IPO5: variants seen among roughly 807,000 people sequenced by gnomAD.
IPO5 encodes the protein importin 5.
In IPO5, 18 loss-of-function variants were observed where a neutral mutation model predicts 143.3. The observed-to-expected ratio is 0.13, with a 90% confidence interval of 0.09 to 0.19. The LOEUF (loss-of-function observed/expected upper bound fraction) is 0.19, where lower values mean the gene tolerates loss of function less well. Ranked by LOEUF, IPO5 falls within the 10% of genes least tolerant of loss-of-function variation. IPO5 has a pLI of 1.00. For synonymous variants in IPO5, 477 were observed against 465.7 expected (o/e 1.02, Z -0.31); for missense variants, 1,013 against 1,336.9 (o/e 0.76, Z 3.78).
chr13:98,019,589 C>T lies in IPO5; in HGVS notation c.2845C>T (p.Pro949Ser). The change falls in exon 27 of 29, where the codon CCC becomes TCC. Residue 949 changes from proline to serine, a missense_variant. Transcript: ENST00000651721. ...NYRPFCTEAL[P>S]LLVRVIQSAD... ...TCAAATGCTTATTTTAGAAGCACTT[C>T]CCCTGCTGGTAAGAGTTATTCAGTC... 1 of 1,611,412 alleles carries T rather than the reference C, an allele frequency of 6.2e-7. No individual in the cohort carries two copies. Among genetic ancestry groups the T allele is most frequent in the Non-Finnish European group, 8.5e-7 (1 of 1,177,826 alleles).
chr13:97,964,534 G>A (rs1232654840), intron 2 of IPO5, among the ~76,000 whole-genome samples: 1 of 142,772 alleles, frequency 7.0e-6, no homozygotes, highest in African/African-American at 2.6e-5. Context: ...TGCAAGCTCC[G>A]CCTCCCGGGT....
chr13:98,000,736 T>C (rs2139760265), intron 13 of IPO5, 91 bp downstream of exon 13: 2 of 821,286 alleles, frequency 2.4e-6, no homozygotes, highest in East Asian at 2.5e-5. Context: ...TAAAAATTAA[T>C]CTTTGTCTTT....
intron 24 of IPO5, among the ~76,000 whole-genome samples, chr13:98,016,334 C>T (rs1055388973): frequency 1.4e-4 from 22 of 152,232 alleles, no homozygotes; most frequent in African/African-American, 5.3e-4. Flanking sequence ...CCACTAACAG[C>T]GAGACCCCAT....
intron 7 of IPO5, among the ~76,000 whole-genome samples, chr13:97,989,497 G>A (rs1394103922): frequency 6.1e-4 from 93 of 152,046 alleles, no homozygotes; most frequent in Non-Finnish European, 5.9e-5. Flanking sequence ...CATTAATAAT[G>A]GTGTCTTGAA....
chr13:97,996,915 A>G (rs1179615016), intron 11 of IPO5, among the ~76,000 whole-genome samples: 1 of 152,118 alleles, frequency 6.6e-6, no homozygotes, highest in Admixed American at 6.6e-5. Flanking sequence ...TTTTAGTACT[A>G]TTTGAAGATA....
Position 98,021,837 on chromosome 13 carries a change from AC to A in IPO5, c.*18del. ...ACTCTGCGTGAAGGGCCTTAATGTC[AC>A]CCACCAGAAAACTAACTCCAAATAA... On this transcript the variant is annotated 3_prime_UTR_variant, in exon 29 of 29. Coordinates refer to ENST00000651721, the MANE Select transcript of IPO5 (RefSeq NM_002271.6). 1.9e-6 allele frequency: 3 copies of A among 1,572,044 alleles called. No individual in the cohort carries two copies. Among genetic ancestry groups the A allele is most frequent in the Non-Finnish European group, 2.6e-6 (3 of 1,148,016 alleles).
chr13:98,020,944 T>C (rs749547895), intron 27 of IPO5, 48 bp from the exon 28 acceptor site: 2 of 1,489,660 alleles, frequency 1.3e-6, no homozygotes, highest in Admixed American at 1.8e-5. Context: ...CATAATCATA[T>C]TTCTCCTTAT....
At chr13:97,966,195 T>C (rs562760501) in intron 2 of IPO5, among the ~76,000 whole-genome samples, 2 of 146,650 alleles carry the variant, frequency 1.4e-5, no homozygotes, top group East Asian at 2.0e-4. Flanking sequence ...ATGGTGACAA[T>C]AGACATTCTT....
At chr13:97,993,557 G>A (rs1887974518) in intron 11 of IPO5, among the ~76,000 whole-genome samples, 1 of 152,164 alleles carries the variant, frequency 6.6e-6, no homozygotes, top group Admixed American at 6.5e-5. Context: ...GCACAGTAGC[G>A]AACTACAAAC....
chr13:97,993,549 A>C (rs1363305317), intron 11 of IPO5, among the ~76,000 whole-genome samples: 1 of 152,238 alleles, frequency 6.6e-6, no homozygotes, highest in Non-Finnish European at 1.5e-5. Context: ...ATATAGATGC[A>C]CAGTAGCGAA....
At chr13:97,969,242 C>T (rs1274341127) in intron 2 of IPO5, among the ~76,000 whole-genome samples, 2 of 128,004 alleles carry the variant, frequency 1.6e-5, no homozygotes, top group East Asian at 2.5e-4. Flanking sequence ...TGAGCAGTGG[C>T]GCGATCTCAG....
chr13:97,956,357 C>G (rs1412542163), intron 2 of IPO5, among the ~76,000 whole-genome samples: 5 of 152,040 alleles, frequency 3.3e-5, no homozygotes, highest in Non-Finnish European at 7.4e-5. Flanking sequence ...ATTATTATAA[C>G]TTAAAAATCT....
At chr13:97,999,563 AC>A (rs1363423552) in intron 12 of IPO5, among the ~76,000 whole-genome samples, 1 of 152,166 alleles carries the variant, frequency 6.6e-6, no homozygotes, top group East Asian at 1.9e-4. Flanking sequence ...AAGTCTAAAA[AC>A]CTGTTCTGAA....
chr13:97,994,451 G>GACT (rs1423614732), intron 11 of IPO5, among the ~76,000 whole-genome samples: 1 of 152,222 alleles, frequency 6.6e-6, no homozygotes, highest in Non-Finnish European at 1.5e-5. Context: ...TTTATTGTAA[G>GACT]TGTTCCATTA....
intron 28 of IPO5, 175 bp downstream of exon 28, chr13:98,021,308 CTTA>C: frequency 4.3e-6 from 2 of 466,260 alleles, no homozygotes; most frequent in Non-Finnish European, 7.1e-6. Context: ...TCCGTATGTA[CTTA>C]TTATTTATTA....
At position 98,019,623 on chromosome 13, in the gene IPO5, C is replaced by T. The variant is rs1290367558; in HGVS notation, c.2879C>T (p.Ser960Phe). The T allele has an allele frequency of 1.2e-6, 2 of 1,614,124 alleles. No homozygotes were observed. Among genetic ancestry groups the T allele is most frequent in the Admixed American group, 1.7e-5 (1 of 60,028 alleles). Reference sequence around the variant, plus strand: ...GTAAGAGTTATTCAGTCTGCGGATTCTAAGACCAAAGAAAATGTCAATGCT... The same window carrying T: ...GTAAGAGTTATTCAGTCTGCGGATTTTAAGACCAAAGAAAATGTCAATGCT... ...LLVRVIQSAD[S>F]KTKENVNATE... The change falls in exon 27 of 29, where the codon TCT (serine) becomes TTT (phenylalanine). Residue 960 changes from serine (S) to phenylalanine (F), a missense_variant. Ser to Phe is a radical substitution (Grantham distance 155). This residue lies in a region of IPO5 where 685 missense variants were observed against 994.9 expected (regional missense o/e 0.69). Coordinates refer to ENST00000651721, the MANE Select transcript of IPO5 (RefSeq NM_002271.6).
chr13:98,003,877 A>T (rs1594105620), intron 16 of IPO5, among the ~76,000 whole-genome samples: 2 of 152,202 alleles, frequency 1.3e-5, no homozygotes, highest in Non-Finnish European at 2.9e-5. Flanking sequence ...AGAAGAAATT[A>T]AAAAACATTG....
chr13:97,985,722 T>C (rs932096823), intron 6 of IPO5, 109 bp downstream of exon 6: 1 of 728,120 alleles, frequency 1.4e-6, no homozygotes, highest in Admixed American at 2.7e-5. Context: ...TGAGTACCAT[T>C]TATTCTGTTT....
chr13:98,012,538 G>A (rs1304210958), intron 21 of IPO5, among the ~76,000 whole-genome samples, 196 bp downstream of exon 21: 1 of 152,148 alleles, frequency 6.6e-6, no homozygotes. Context: ...AAAAGAAAAC[G>A]TGACCTATCC....
Sources: gnomAD v4.1 joint callset for allele counts (sites outside exome capture counted in the v4.1 genomes callset) on GRCh38, gnomAD v4.1.1 for gene constraint, gnomAD v4.1.1 regional missense constraint, MANE v1.5 for transcripts, NCBI Gene and HGNC (gene_info 2026-07-23, HGNC 2026-07-21) for gene names.